The following CMYA5 variants were observed in gnomAD, a reference collection of about 807,000 sequenced individuals.
CMYA5 encodes the protein cardiomyopathy-associated protein 5.
In CMYA5, 246 loss-of-function variants were observed where a neutral mutation model predicts 318.9. The observed-to-expected ratio is 0.77, with a 90% confidence interval of 0.70 to 0.86. The LOEUF (loss-of-function observed/expected upper bound fraction) is 0.86. Ranked by LOEUF, CMYA5 falls within the 40% of genes least tolerant of loss-of-function variation. CMYA5 has a pLI of 0.00. For synonymous variants in CMYA5, 1,641 were observed against 1,729.5 expected (o/e 0.95, Z 1.27); for missense variants, 4,589 against 4,678.2 (o/e 0.98, Z 0.56).
intron 1 of CMYA5, among the ~76,000 whole-genome samples, chr5:79,715,382 G>A (rs1580754999): frequency 1.3e-5 from 2 of 152,114 alleles, no homozygotes; most frequent in East Asian, 1.9e-4. Flanking sequence ...CCGCCTCCCG[G>A]GTTCACGCCA....
chr5:79,723,091 G>C (rs1426969430), intron 1 of CMYA5, among the ~76,000 whole-genome samples: 1 of 152,132 alleles, frequency 6.6e-6, no homozygotes, highest in South Asian at 2.1e-4. Context: ...TTCCCAGTTT[G>C]TTCTATGAGG....
At position 79,793,513 on chromosome 5, in the gene CMYA5, G is replaced by A; in HGVS notation, c.11866G>A (p.Ala3956Thr). 1 of 1,613,958 alleles carries A rather than the reference G, an allele frequency of 6.2e-7. No individual in the cohort carries two copies. Among genetic ancestry groups the A allele is most frequent in the South Asian group, 1.1e-5 (1 of 91,084 alleles). ...GGAAACCACAGTCACAGACTGCCCA[G>A]CATATCGACTCGGCATCTGCTCCAG... is the stretch of plus-strand genomic sequence containing the variant. ...YWETTVTDCP[A>T]YRLGICSSSA... The change falls in exon 12 of 13, where the codon GCA (alanine) becomes ACA (threonine). Residue 3956 changes from alanine (A) to threonine (T), a missense_variant. This residue lies in a region of CMYA5 where 2,431 missense variants were observed against 2,495.1 expected (regional missense o/e 0.97). Transcript: ENST00000446378.
chr5:79,770,143 G>A lies in CMYA5; in HGVS notation c.11555+6934G>A, dbSNP rs534831876. On this transcript the variant is annotated intron_variant, in intron 9 of 12. Coordinates refer to ENST00000446378, the MANE Select transcript of CMYA5 (RefSeq NM_153610.5). ...TACTCAAGCCTCAGTAATGGCGGAC[G>A]CCCCTCCCCCCACCAAGCTCGAGCA... Among the ~76,000 whole-genome samples the A allele has an allele frequency of 1.8e-3, 271 of 152,230 alleles. 1 individual carries two copies. The highest frequency in any genetic ancestry group is 6.2e-3 in the African/African-American group (259 of 41,540).
At chr5:79,722,235 A>T (rs189746602) in intron 1 of CMYA5, among the ~76,000 whole-genome samples, 1 of 152,350 alleles carries the variant, frequency 6.6e-6, no homozygotes, top group Admixed American at 6.5e-5. Context: ...GAAATCACAA[A>T]GGAAATTTTA....
chr5:79,716,776 T>C (rs1266866752), intron 1 of CMYA5, among the ~76,000 whole-genome samples: 1 of 152,204 alleles, frequency 6.6e-6, no homozygotes, highest in African/African-American at 2.4e-5. Context: ...AGGTAAGCAC[T>C]CAGTTTGTTT....
intron 9 of CMYA5, among the ~76,000 whole-genome samples, chr5:79,787,465 G>T (rs568492393): frequency 6.6e-6 from 1 of 152,110 alleles, no homozygotes; most frequent in Non-Finnish European, 1.5e-5. Flanking sequence ...CTAGATATTA[G>T]TCAGAAATTA....
In CMYA5 at chr5:79,763,043, C is replaced by A. The variant is rs769395760; in HGVS notation, c.11408-19C>A. 3.7e-6 allele frequency: 6 copies of A among 1,607,192 alleles called. No homozygotes were observed. The South Asian group carries it at 6.6e-5, about 18-fold the overall frequency. Reference sequence around the variant, plus strand: ...CAAGCTGGCATTGCTCCACGACTGTCCTGACTCTCTTTCTGCAGCACCCTC... The same window carrying A: ...CAAGCTGGCATTGCTCCACGACTGTACTGACTCTCTTTCTGCAGCACCCTC... On this transcript the variant is annotated intron_variant, in intron 8 of 12. Transcript: ENST00000446378.
rs1470982609 is a variant in CMYA5 at position 79,778,831 on chromosome 5, G to A, written c.11556-10140G>A. On this transcript the variant is annotated intron_variant, in intron 9 of 12. Coordinates refer to ENST00000446378, the MANE Select transcript of CMYA5 (RefSeq NM_153610.5). Reference sequence around the variant, plus strand: ...TCTTTCTGTGTGTGTGTGTGTGTGTGTGTGTATGTTTATTCACTCATGTTT... The same window carrying A: ...TCTTTCTGTGTGTGTGTGTGTGTGTATGTGTATGTTTATTCACTCATGTTT... 1.1e-3 allele frequency among the ~76,000 whole-genome samples: 107 copies of A among 98,002 alleles called. No homozygotes were observed. In the East Asian group the frequency reaches 0.011, roughly 10 times the overall value. 64.3% of individuals were successfully genotyped at this position (98,002 alleles called of 152,430 possible).
At chr5:79,757,525 A>C (rs1403805627) in intron 6 of CMYA5, among the ~76,000 whole-genome samples, 1 of 152,256 alleles carries the variant, frequency 6.6e-6, no homozygotes, top group Non-Finnish European at 1.5e-5. Context: ...GTAATTAAAA[A>C]AATTGATAGG....
At chr5:79,757,417 G>C (rs1200938131) in intron 6 of CMYA5, among the ~76,000 whole-genome samples, 1 of 152,058 alleles carries the variant, frequency 6.6e-6, no homozygotes, top group South Asian at 2.1e-4. Flanking sequence ...TTAAAATTCA[G>C]AACAACGGAG....
At chr5:79,708,743 G>T (rs1372865346) in intron 1 of CMYA5, among the ~76,000 whole-genome samples, 1 of 150,890 alleles carries the variant, frequency 6.6e-6, no homozygotes, top group Non-Finnish European at 1.5e-5. Context: ...CATTAGCCTG[G>T]CCAACATGGT....
At position 79,733,097 on chromosome 5, in the gene CMYA5, AT is replaced by A. The variant is rs1188807881; in HGVS notation, c.4335del (p.Phe1445LeufsTer10). ...GGTCAGAAGCAGAGAAGGAAATTAAATTTGATTCACTTCCAAGTGTCTCCTC... is the reference window on the plus strand; with the variant it reads ...GGTCAGAAGCAGAGAAGGAAATTAAATTGATTCACTTCCAAGTGTCTCCTC... ...AWSEAEKEIK[F>X]DSLPSVSSIA... On this transcript the variant is annotated frameshift_variant, in exon 2 of 13. Coordinates refer to ENST00000446378, the MANE Select transcript of CMYA5 (RefSeq NM_153610.5). LOFTEE classifies it high-confidence loss of function. 7 of 1,613,608 alleles carry A rather than the reference AT, an allele frequency of 4.3e-6. No homozygotes were observed. The South Asian group carries it at 7.7e-5, about 18-fold the overall frequency.
At chr5:79,712,650 C>A (rs1827419533) in intron 1 of CMYA5, among the ~76,000 whole-genome samples, 1 of 151,968 alleles carries the variant, frequency 6.6e-6, no homozygotes, top group South Asian at 2.1e-4. Context: ...TTATTATTTT[C>A]AAGGCTACAA....
chr5:79,769,979 T>C (rs1320886372), intron 9 of CMYA5, among the ~76,000 whole-genome samples: 1 of 152,212 alleles, frequency 6.6e-6, no homozygotes, highest in Non-Finnish European at 1.5e-5. Context: ...GGCTGCTACC[T>C]TTCTTTCAGA....
rs1828083158 is a variant in CMYA5, at chr5:79,736,858, T to A, written c.8093T>A (p.Phe2698Tyr). The change falls in exon 2 of 13, where the codon TTT becomes TAT. Residue 2698 changes from phenylalanine (F) to tyrosine (Y), a missense_variant. This residue lies in a region of CMYA5 where 2,431 missense variants were observed against 2,495.1 expected (regional missense o/e 0.97). Coordinates refer to ENST00000446378, the MANE Select transcript of CMYA5 (RefSeq NM_153610.5). ...DITKETVKQG[F>Y]QEKAVGTQPR... ...ACAAAAGAAACTGTGAAACAAGGATTTCAAGAAAAGGCAGTAGGAACCCAA... is the reference window on the plus strand; with the variant it reads ...ACAAAAGAAACTGTGAAACAAGGATATCAAGAAAAGGCAGTAGGAACCCAA... The A allele has an allele frequency of 6.2e-7, 1 of 1,605,784 alleles. No individual in the cohort carries two copies.
Position 79,738,760 on chromosome 5 carries a change from C to G in CMYA5, c.9995C>G (p.Ala3332Gly). 23 of 1,613,932 alleles carry G rather than the reference C, an allele frequency of 1.4e-5. No individual in the cohort carries two copies. The highest frequency in any genetic ancestry group is 1.9e-5 in the Non-Finnish European group (23 of 1,179,874). Residue 3332 changes from alanine to glycine, a missense_variant, in exon 2 of 13, where the codon GCT (alanine) becomes GGT (glycine). Around this residue, in one of 3 missense-constraint regions of CMYA5, gnomAD observed 2,431 missense variants for 2,495.1 expected, o/e 0.97. Transcript: ENST00000446378. Reference protein sequence around the residue: ...KAPITEDVRVATQKISYAVPF... With the variant: ...KAPITEDVRVGTQKISYAVPF... The stretch of plus-strand genomic sequence containing the variant: ...CCCATCACAGAGGACGTCAGAGTGG[C>G]TACCCAGAAAATAAGTTATGCGGTT...
chr5:79,731,549 A>G lies in CMYA5; in HGVS notation c.2784A>G (p.Ala928=). Reference sequence around the variant, plus strand: ...ATAGATCTCTAAATCTAAAAGGTGCATCCTCACCCATGAATTTATCAGAAG... The same window carrying G: ...ATAGATCTCTAAATCTAAAAGGTGCGTCCTCACCCATGAATTTATCAGAAG... ...IVHRSLNLKG[A]SSPMNLSEED... Residue 928 remains alanine, a synonymous_variant, in exon 2 of 13, where the codon GCA becomes GCG. Coordinates refer to ENST00000446378, the MANE Select transcript of CMYA5 (RefSeq NM_153610.5). 1.2e-6 allele frequency: 2 copies of G among 1,607,914 alleles called. No individual in the cohort carries two copies. Among genetic ancestry groups the G allele is most frequent in the Non-Finnish European group, 1.7e-6 (2 of 1,177,072 alleles).
Position 79,771,971 on chromosome 5 carries a change from C to T in CMYA5, c.11555+8762C>T, listed in dbSNP as rs1158138376. Among the ~76,000 whole-genome samples, 6 of 152,164 alleles carry T rather than the reference C, an allele frequency of 3.9e-5. No individual in the cohort carries two copies. The South Asian group carries it at 8.3e-4, about 21-fold the overall frequency. ...ATGCACTACCATTCAAATCCCCTCTCGTTAATATTTTTCCCTTCCCTGATT... is the reference window on the plus strand; with the variant it reads ...ATGCACTACCATTCAAATCCCCTCTTGTTAATATTTTTCCCTTCCCTGATT... On this transcript the variant is annotated intron_variant, in intron 9 of 12. Transcript: ENST00000446378.
chr5:79,767,345 CTT>C (rs1423381875), intron 9 of CMYA5, among the ~76,000 whole-genome samples: 4 of 152,126 alleles, frequency 2.6e-5, no homozygotes, highest in African/African-American at 9.7e-5. Flanking sequence ...CTTCTACTAT[CTT>C]TTGAATTTGT....
Sources: allele counts gnomAD v4.1 joint callset (sites outside exome capture counted in the v4.1 genomes callset), GRCh38; gene constraint gnomAD v4.1.1; regional missense constraint gnomAD v4.1.1; transcripts MANE v1.5; gene names NCBI Gene and HGNC (gene_info 2026-07-23, HGNC 2026-07-21).